Variants in PAQR9 observed in about 807,000 individuals in gnomAD.
PAQR9 encodes membrane progestin receptor epsilon.
In PAQR9, 12 loss-of-function variants were observed where a neutral mutation model predicts 24.0. That is an observed-to-expected ratio of 0.50 (90% CI 0.32 to 0.81). The LOEUF (loss-of-function observed/expected upper bound fraction) is 0.81, where lower values mean the gene tolerates loss of function less well. Ranked by LOEUF, PAQR9 falls within the 30% of genes least tolerant of loss-of-function variation. PAQR9 has a pLI of 0.03. For missense variants in PAQR9, 418 were observed against 520.8 expected, an observed-to-expected ratio of 0.80 and a Z score of 1.92; for synonymous variants, 266 against 237.6, an observed-to-expected ratio of 1.12 and a Z score of -1.10.
chr3:142,962,930 C>G lies in PAQR9; in HGVS notation c.407G>C (p.Ser136Thr). The change falls in exon 1 of 1, where the codon AGC (serine) becomes ACC (threonine). Residue 136 changes from serine to threonine, a missense_variant. Ser to Thr is a moderately conservative substitution (Grantham distance 58). Coordinates refer to ENST00000340634, the MANE Select transcript of PAQR9 (RefSeq NM_198504.4). ...GCAGCTGAACACGTGCGCCGTGCAG[C>G]TCATGGCGAAGGTCAGCAGCACTCC... ...ASGVLLTFAMSCTAHVFSCLS... is the reference protein window; with the variant it reads ...ASGVLLTFAMTCTAHVFSCLS... 1 of 1,613,932 alleles carries G rather than the reference C, an allele frequency of 6.2e-7. No homozygotes were observed. Among genetic ancestry groups the G allele is most frequent in the East Asian group, 2.2e-5 (1 of 44,866 alleles).
In PAQR9 at chr3:142,956,609, A is replaced by G. The variant is rs962501081; in HGVS notation, c.*5594T>C. 2.0e-5 allele frequency among the ~76,000 whole-genome samples: 3 copies of G among 152,208 alleles called. No individual in the cohort carries two copies. Among genetic ancestry groups the G allele is most frequent in the Admixed American group, 6.5e-5 (1 of 15,278 alleles). ...AGTGTGCATACTGTTGCATATAGGT[A>G]TATGTTCAGAGCTTTCAAAAGTCAC... On this transcript the variant is annotated 3_prime_UTR_variant, in exon 1 of 1. Transcript: ENST00000340634.
chr3:142,952,829 T>C (rs181604532), downstream of PAQR9: 100 of 456,704 alleles, frequency 2.2e-4, 1 homozygote, highest in African/African-American at 1.4e-3. Flanking sequence ...CAATCTTCCG[T>C]GATTTGTCCC....
downstream of PAQR9, among the ~76,000 whole-genome samples, chr3:142,954,487 G>T (rs1012492869): frequency 8.5e-5 from 13 of 152,048 alleles, no homozygotes; most frequent in Non-Finnish European, 1.8e-4. Context: ...TTCTTATCTT[G>T]TTTATTAGTG....
At chr3:142,952,047 A>AGAGGG (rs1553825957), downstream of PAQR9, among the ~76,000 whole-genome samples, 1 of 103,602 alleles carries the variant, frequency 9.7e-6, no homozygotes, top group African/African-American at 3.7e-5. Flanking sequence ...GTGAAAAAGA[A>AGAGGG]GGGGGGGGGG....
chr3:142,955,468 A>AAAAAAAAAAAAAC lies in PAQR9; in HGVS notation c.*6734_*6735insGTTTTTTTTTTTT, dbSNP rs1251843862. ...AAAAAAAAAAAAAAAAAAAAAAAAA[A>AAAAAAAAAAAAAC]AAAAAAAAAGCAGCCACAGAATCCT... On this transcript the variant is annotated 3_prime_UTR_variant, in exon 1 of 1. Transcript: ENST00000340634. 6.8e-6 allele frequency among the ~76,000 whole-genome samples: 1 copy of AAAAAAAAAAAAAC among 147,702 alleles called. No homozygotes were observed. The highest frequency in any genetic ancestry group is 1.5e-5 in the Non-Finnish European group (1 of 67,064).
chr3:142,961,952 C>A lies in PAQR9; in HGVS notation c.*251G>T. 1 of 486,336 alleles carries A rather than the reference C, an allele frequency of 2.1e-6. No individual in the cohort carries two copies. Among genetic ancestry groups the A allele is most frequent in the Non-Finnish European group, 3.7e-6 (1 of 271,080 alleles). 30.1% of individuals were successfully genotyped at this position (486,336 alleles called of 1,614,324 possible). A position where few individuals can be genotyped will look rare whatever the true frequency, so the allele number is the denominator to read the frequency against. On this transcript the variant is annotated 3_prime_UTR_variant, in exon 1 of 1. Coordinates refer to ENST00000340634, the MANE Select transcript of PAQR9 (RefSeq NM_198504.4). ...AAATCCCTGGATGTCAAAGACATCACCTGAATTTTTTCCAGGGGCAAGAAC... is the reference window on the plus strand; with the variant it reads ...AAATCCCTGGATGTCAAAGACATCAACTGAATTTTTTCCAGGGGCAAGAAC...
chr3:142,955,198 G>T lies in PAQR9; in HGVS notation c.*7005C>A, dbSNP rs1934772340. Among the ~76,000 whole-genome samples the T allele has an allele frequency of 6.6e-6, 1 of 151,972 alleles. No individual in the cohort carries two copies. The highest frequency in any genetic ancestry group is 2.1e-4 in the South Asian group (1 of 4,814). On this transcript the variant is annotated 3_prime_UTR_variant, in exon 1 of 1. Transcript: ENST00000340634. ...TATAATGCCCTTTACTGCAAAAGGG[G>T]ACCTGCTGGTTGTACATTCTTGCAA...
Position 142,962,822 on chromosome 3 carries a change from T to A in PAQR9, c.515A>T (p.Tyr172Phe). ...SYYGFGSTVA[Y>F]YYYLLPGLSL... Reference sequence around the variant, plus strand: ...GAGGCCTGGCAACAGGTAGTAGTAGTAGGCCACCGTGCTGCCGAAGCCGTA... The same window carrying A: ...GAGGCCTGGCAACAGGTAGTAGTAGAAGGCCACCGTGCTGCCGAAGCCGTA... The change falls in exon 1 of 1, where the codon TAC becomes TTC. Residue 172 changes from tyrosine to phenylalanine, a missense_variant. By Grantham distance (22) the Tyr-to-Phe change is conservative (BLOSUM62 3). This residue lies in a region of PAQR9 where 230 missense variants were observed against 305.2 expected (regional missense o/e 0.75). Transcript: ENST00000340634. The A allele has an allele frequency of 1.2e-6, 2 of 1,612,924 alleles. No homozygotes were observed. Among genetic ancestry groups the A allele is most frequent in the Non-Finnish European group, 1.7e-6 (2 of 1,179,822 alleles).
At chr3:142,952,734 C>T (rs1934733246), downstream of PAQR9, 1 of 456,414 alleles carries the variant, frequency 2.2e-6, no homozygotes. Flanking sequence ...TAGTAGCAGC[C>T]AGGGCTGAGG....
At chr3:142,952,656 G>T (rs1047488161), downstream of PAQR9, 3 of 415,232 alleles carry the variant, frequency 7.2e-6, no homozygotes, top group South Asian at 3.5e-5. Context: ...GAGTTACTTT[G>T]TTTGGCCCCA....
At position 142,961,355 on chromosome 3, in the gene PAQR9, A is replaced by C. The variant is rs564201034; in HGVS notation, c.*848T>G. 1 of 152,756 alleles carries C rather than the reference A, an allele frequency of 6.5e-6. No homozygotes were observed. The highest frequency in any genetic ancestry group is 6.5e-5 in the Admixed American group (1 of 15,296). The allele number at this position is 152,756 out of a possible 1,614,324, so 9.5% of individuals were successfully genotyped here. ...AGGATGGGTTTTGTGGAATACATTA[A>C]AGTAAACAAAAATCTGGGGTCTATA... On this transcript the variant is annotated 3_prime_UTR_variant, in exon 1 of 1. Transcript: ENST00000340634.
rs904642106 is a variant in PAQR9 at position 142,963,506 on chromosome 3, A to T, written c.-170T>A. 2 of 1,021,452 alleles carry T rather than the reference A, an allele frequency of 2.0e-6. No homozygotes were observed. The highest frequency in any genetic ancestry group is 3.5e-5 in the African/African-American group (2 of 57,784). The allele number at this position is 1,021,452 out of a possible 1,614,324, so 63.3% of individuals were successfully genotyped here. A position where few individuals can be genotyped will look rare whatever the true frequency, so the allele number is the denominator to read the frequency against. On this transcript the variant is annotated 5_prime_UTR_variant, in exon 1 of 1. Transcript: ENST00000340634. Reference sequence around the variant, plus strand: ...GAGCAGCCGCTCCTAAAAATTAAATAAATCAATAAGAGAATCAATTAATAG... The same window carrying T: ...GAGCAGCCGCTCCTAAAAATTAAATTAATCAATAAGAGAATCAATTAATAG...
rs1934877896 is a variant in PAQR9, at chr3:142,960,850, T to G, written c.*1353A>C. 1 of 152,272 alleles carries G rather than the reference T, an allele frequency of 6.6e-6. No homozygotes were observed. The highest frequency in any genetic ancestry group is 2.1e-4 in the South Asian group (1 of 4,838). 9.4% of individuals were successfully genotyped at this position (152,272 alleles called of 1,614,324 possible). ...ACCAAATCAAACTTCAGCGTTTAAC[T>G]AGGCAAGTGTAATCTTATTTAACTC... is the stretch of plus-strand genomic sequence containing the variant. On this transcript the variant is annotated 3_prime_UTR_variant, in exon 1 of 1. Transcript: ENST00000340634.
rs992966401 is a variant in PAQR9 at position 142,963,421 on chromosome 3, G to C, written c.-85C>G. On this transcript the variant is annotated 5_prime_UTR_variant, in exon 1 of 1. Transcript: ENST00000340634. Reference sequence around the variant, plus strand: ...TGGGCAGCCCCCGCCGGCCGCCGTCGGAGCCTTTGTGCCCACGCCGGGGGC... The same window carrying C: ...TGGGCAGCCCCCGCCGGCCGCCGTCCGAGCCTTTGTGCCCACGCCGGGGGC... 4.9e-5 allele frequency: 52 copies of C among 1,062,960 alleles called. No homozygotes were observed. Among genetic ancestry groups the C allele is most frequent in the Non-Finnish European group, 5.3e-5 (47 of 882,788 alleles). The allele number at this position is 1,062,960 out of a possible 1,614,324, so 65.8% of individuals were successfully genotyped here.
rs536899240 is a variant in PAQR9 at position 142,956,206 on chromosome 3, T to C, written c.*5997A>G. 5.0e-4 allele frequency among the ~76,000 whole-genome samples: 76 copies of C among 152,364 alleles called. No individual in the cohort carries two copies. Among genetic ancestry groups the C allele is most frequent in the African/African-American group, 1.8e-3 (76 of 41,590 alleles). On this transcript the variant is annotated 3_prime_UTR_variant, in exon 1 of 1. Transcript: ENST00000340634. ...GAAATGAAATTGTGTCCCCATGCTTTATCTAGAAACAAGAGTTTATTTACA... is the reference window on the plus strand; with the variant it reads ...GAAATGAAATTGTGTCCCCATGCTTCATCTAGAAACAAGAGTTTATTTACA...
downstream of PAQR9, among the ~76,000 whole-genome samples, chr3:142,952,506 C>A (rs771872126): frequency 5.9e-5 from 9 of 152,156 alleles, no homozygotes; most frequent in Non-Finnish European, 1.0e-4. Context: ...TTTTATGGAT[C>A]TGTTAAGATA....
rs1467943784 is a variant in PAQR9, at chr3:142,960,193, T to TG, written c.*2009dup. Among the ~76,000 whole-genome samples the TG allele has an allele frequency of 6.6e-6, 1 of 152,220 alleles. No individual in the cohort carries two copies. Among genetic ancestry groups the TG allele is most frequent in the Admixed American group, 6.5e-5 (1 of 15,286 alleles). On this transcript the variant is annotated 3_prime_UTR_variant, in exon 1 of 1. Transcript: ENST00000340634. ...GACATATATAAATTTAACTTCTATG[T>TG]GCAAAGTAACACACACAAGGATACC...
Position 142,962,687 on chromosome 3 carries a change from G to A in PAQR9, c.650C>T (p.Ala217Val). ...AAYRALVLPV[A>V]FVLAVACTVA... ...AGTGCAAGCCACCGCCAGCACGAAGGCCACAGGCAGCACCAGGGCGCGGTA... is the reference window on the plus strand; with the variant it reads ...AGTGCAAGCCACCGCCAGCACGAAGACCACAGGCAGCACCAGGGCGCGGTA... Residue 217 changes from alanine (A) to valine (V), a missense_variant, in exon 1 of 1, where the codon GCC (alanine) becomes GTC (valine). Ala to Val is a moderately conservative substitution (Grantham distance 64). This residue lies in a region of PAQR9 where 230 missense variants were observed against 305.2 expected (regional missense o/e 0.75). Transcript: ENST00000340634. 1 of 1,612,682 alleles carries A rather than the reference G, an allele frequency of 6.2e-7. No homozygotes were observed. The highest frequency in any genetic ancestry group is 8.5e-7 in the Non-Finnish European group (1 of 1,179,662).
chr3:142,953,001 T>A (rs905532217), downstream of PAQR9, among the ~76,000 whole-genome samples: 1 of 152,168 alleles, frequency 6.6e-6, no homozygotes, highest in Non-Finnish European at 1.5e-5. Flanking sequence ...AGCAGCCCTC[T>A]TAGGAGTGGC....
Sources: allele counts gnomAD v4.1 joint callset (sites outside exome capture counted in the v4.1 genomes callset), GRCh38; gene constraint gnomAD v4.1.1; regional missense constraint gnomAD v4.1.1; transcripts MANE v1.5; gene names NCBI Gene and HGNC (gene_info 2026-07-23, HGNC 2026-07-21).